Variants in RESF1 observed in about 807,000 individuals in gnomAD.
The protein encoded by RESF1 is retroelement silencing factor 1, also known as gonad expressed transcript.
RESF1 carries 65 observed loss-of-function variants against 134.7 expected under a neutral mutation model. The observed-to-expected ratio is 0.48, with a 90% CI of 0.40 to 0.59. The LOEUF is 0.59. Among genes scored for constraint, RESF1 ranks in the 20% least tolerant of loss-of-function variants. RESF1 has a pLI of 0.00. For synonymous variants in RESF1, 762 were observed against 702.2 expected (o/e 1.09, Z -1.35); for missense variants, 2,274 against 2,002.7 (o/e 1.14, Z -2.59).
chr12:31,964,486 A>G (rs1939354355), intron 2 of RESF1, among the ~76,000 whole-genome samples: 1 of 152,204 alleles, frequency 6.6e-6, no homozygotes, highest in Non-Finnish European at 1.5e-5. Flanking sequence ...ATGGCTGCAT[A>G]GTATTCCCTA....
intron 2 of RESF1, among the ~76,000 whole-genome samples, chr12:31,961,397 A>G (rs938343185): frequency 1.3e-5 from 2 of 152,226 alleles, no homozygotes; most frequent in African/African-American, 4.8e-5. Flanking sequence ...CCAACCCTGG[A>G]AAATAAACCT....
intron 3 of RESF1, among the ~76,000 whole-genome samples, chr12:31,972,564 C>T (rs1939533679): frequency 6.8e-6 from 1 of 147,546 alleles, no homozygotes; most frequent in South Asian, 2.1e-4. Flanking sequence ...CAAGATGGTG[C>T]CACTGCACTC....
Position 31,981,757 on chromosome 12 carries a change from C to A in RESF1, c.802C>A (p.Gln268Lys). ...GCAGACCTCAGCTGTACCATCACAGCAGTATGCCACGCAAACTGACAAAAG... is the reference window on the plus strand; with the variant it reads ...GCAGACCTCAGCTGTACCATCACAGAAGTATGCCACGCAAACTGACAAAAG... The part of the protein sequence containing the change: ...SRQTSAVPSQ[Q>K]YATQTDKRPP... The change falls in exon 4 of 6, where the codon CAG becomes AAG. Residue 268 changes from glutamine to lysine, a missense_variant. By Grantham distance (53) the Gln-to-Lys change is moderately conservative (BLOSUM62 1). Coordinates refer to ENST00000312561, the MANE Select transcript of RESF1 (RefSeq NM_018169.4). 1 of 1,613,794 alleles carries A rather than the reference C, an allele frequency of 6.2e-7. No individual in the cohort carries two copies. Among genetic ancestry groups the A allele is most frequent in the Non-Finnish European group, 8.5e-7 (1 of 1,180,002 alleles).
At chr12:31,970,705 C>G (rs1421312774) in intron 3 of RESF1, among the ~76,000 whole-genome samples, 2 of 152,194 alleles carry the variant, frequency 1.3e-5, no homozygotes, top group African/African-American at 2.4e-5. Flanking sequence ...ACCTAACACT[C>G]AAAAGGGTGC....
At chr12:31,967,527 A>G (rs560254296) in intron 2 of RESF1, among the ~76,000 whole-genome samples, 4 of 152,314 alleles carry the variant, frequency 2.6e-5, no homozygotes, top group Non-Finnish European at 5.9e-5. Flanking sequence ...GGAAAACACA[A>G]CATCCAAAAA....
chr12:31,979,252 T>C (rs1250953902), intron 3 of RESF1, among the ~76,000 whole-genome samples: 1 of 152,144 alleles, frequency 6.6e-6, no homozygotes, highest in Non-Finnish European at 1.5e-5. Flanking sequence ...TGTGTGGGAA[T>C]TTTTTCCCAA....
At chr12:31,963,371 C>T (rs1173740742) in intron 2 of RESF1, among the ~76,000 whole-genome samples, 1 of 151,568 alleles carries the variant, frequency 6.6e-6, no homozygotes, top group Non-Finnish European at 1.5e-5. Flanking sequence ...TCATGGAGCA[C>T]AACCTTTGGG....
chr12:31,963,911 A>C (rs1225185948), intron 2 of RESF1, among the ~76,000 whole-genome samples: 1 of 152,144 alleles, frequency 6.6e-6, no homozygotes, highest in Non-Finnish European at 1.5e-5. Flanking sequence ...TGGATATGCC[A>C]CTTTTGCTTA....
At chr12:31,989,915 T>C (rs949194126) in intron 5 of RESF1, among the ~76,000 whole-genome samples, 6 of 152,034 alleles carry the variant, frequency 3.9e-5, no homozygotes, top group African/African-American at 4.8e-5. Flanking sequence ...TGAAGAAATA[T>C]ACTCTTAATC....
Position 31,985,493 on chromosome 12 carries a change from C to G in RESF1, c.4538C>G (p.Thr1513Arg). ...QTSKESLNGLTSHGKNLKIHH... is the reference protein window; with the variant it reads ...QTSKESLNGLRSHGKNLKIHH... Reference sequence around the variant, plus strand: ...TCTAAAGAATCATTAAATGGCTTGACAAGCCATGGTAAAAACCTCAAAATC... The same window carrying G: ...TCTAAAGAATCATTAAATGGCTTGAGAAGCCATGGTAAAAACCTCAAAATC... Residue 1513 changes from threonine (T) to arginine (R), a missense_variant, in exon 4 of 6, where the codon ACA (threonine) becomes AGA (arginine). Coordinates refer to ENST00000312561, the MANE Select transcript of RESF1 (RefSeq NM_018169.4). 1.2e-6 allele frequency: 2 copies of G among 1,603,818 alleles called. No homozygotes were observed. The highest frequency in any genetic ancestry group is 1.7e-6 in the Non-Finnish European group (2 of 1,177,234).
rs1939940772 is a variant in RESF1 at position 31,985,317 on chromosome 12, G to A, written c.4362G>A (p.Lys1454=). 6.2e-7 allele frequency: 1 copy of A among 1,612,256 alleles called. No individual in the cohort carries two copies. The highest frequency in any genetic ancestry group is 8.5e-7 in the Non-Finnish European group (1 of 1,179,646). The change falls in exon 4 of 6, where the codon AAG becomes AAA. Residue 1454 remains lysine (K), a synonymous_variant. Transcript: ENST00000312561. ...CTAAGGAGTATTTACAAAGGCAGAAGCATAAAGAAGCTCTGAGTAATAAAG... is the reference window on the plus strand; with the variant it reads ...CTAAGGAGTATTTACAAAGGCAGAAACATAAAGAAGCTCTGAGTAATAAAG... ...LTPKEYLQRQ[K]HKEALSNKAS...
chr12:31,964,726 CT>C (rs1939359924), intron 2 of RESF1, among the ~76,000 whole-genome samples: 1 of 152,150 alleles, frequency 6.6e-6, no homozygotes, highest in Non-Finnish European at 1.5e-5. Flanking sequence ...TGTTAAGCAT[CT>C]TTTTATGTGC....
chr12:31,978,126 C>G (rs1939678886), intron 3 of RESF1, among the ~76,000 whole-genome samples: 1 of 152,078 alleles, frequency 6.6e-6, no homozygotes, highest in South Asian at 2.1e-4. Flanking sequence ...TTATTGGCAT[C>G]TTTAATGCTG....
Position 31,986,538 on chromosome 12 carries a change from A to G in RESF1, c.5002+581A>G, listed in dbSNP as rs373742597. Among the ~76,000 whole-genome samples, 11 of 152,344 alleles carry G rather than the reference A, an allele frequency of 7.2e-5. No individual in the cohort carries two copies. The East Asian group carries it at 1.5e-3, about 21-fold the overall frequency. On this transcript the variant is annotated intron_variant, in intron 4 of 5. Transcript: ENST00000312561. ...AAGATAGAAGAACCTTGAAAGCAGT[A>G]TTGTCCAGTGTTATAATTTAAAATC...
At chr12:31,962,912 A>G (rs1939311141) in intron 2 of RESF1, among the ~76,000 whole-genome samples, 1 of 152,120 alleles carries the variant, frequency 6.6e-6, no homozygotes, top group South Asian at 2.1e-4. Flanking sequence ...AGCCTGGCCA[A>G]CATGGTGAAG....
rs1446957537 is a variant in RESF1, at chr12:31,983,702, T to C, written c.2747T>C (p.Leu916Pro). Reference sequence around the variant, plus strand: ...CAAATAGCAAAGATATTCAGCTCTCTTCCCTTGAAAATGGTTGAGCCACAG... The same window carrying C: ...CAAATAGCAAAGATATTCAGCTCTCCTCCCTTGAAAATGGTTGAGCCACAG... The part of the protein sequence containing the change: ...NSQIAKIFSS[L>P]PLKMVEPQKP... The change falls in exon 4 of 6, where the codon CTT becomes CCT. Residue 916 changes from leucine to proline, a missense_variant. Transcript: ENST00000312561. 6.2e-7 allele frequency: 1 copy of C among 1,613,918 alleles called. No homozygotes were observed. Among genetic ancestry groups the C allele is most frequent in the East Asian group, 2.2e-5 (1 of 44,884 alleles).
At position 31,984,464 on chromosome 12, in the gene RESF1, T is replaced by C. The variant is rs1237436491; in HGVS notation, c.3509T>C (p.Ile1170Thr). The change falls in exon 4 of 6, where the codon ATC becomes ACC. Residue 1170 changes from isoleucine (I) to threonine (T), a missense_variant. By Grantham distance (89) the Ile-to-Thr change is moderately conservative. Coordinates refer to ENST00000312561, the MANE Select transcript of RESF1 (RefSeq NM_018169.4). Reference sequence around the variant, plus strand: ...ATACTGGACTCTGAGAAAGATGATATCCACTGCTGTGCATTGGGCTGGCTC... The same window carrying C: ...ATACTGGACTCTGAGAAAGATGATACCCACTGCTGTGCATTGGGCTGGCTC... The part of the protein sequence containing the change: ...SVILDSEKDD[I>T]HCCALGWLSM... The C allele has an allele frequency of 6.2e-7, 1 of 1,613,948 alleles. No individual in the cohort carries two copies. Among genetic ancestry groups the C allele is most frequent in the East Asian group, 2.2e-5 (1 of 44,868 alleles).
chr12:31,986,199 T>G (rs1260840686), intron 4 of RESF1, among the ~76,000 whole-genome samples: 1 of 152,184 alleles, frequency 6.6e-6, no homozygotes, highest in Non-Finnish European at 1.5e-5. Context: ...TATGTAAAAC[T>G]TGCCAGATAG....
intron 5 of RESF1, among the ~76,000 whole-genome samples, chr12:31,991,637 T>C (rs1940094669): frequency 6.6e-6 from 1 of 152,184 alleles, no homozygotes; most frequent in Admixed American, 6.5e-5. Context: ...GTTTGTTTGT[T>C]TTTTGAGACA....
Sources: allele counts gnomAD v4.1 joint callset (sites outside exome capture counted in the v4.1 genomes callset), GRCh38; gene constraint gnomAD v4.1.1; transcripts MANE v1.5; gene names NCBI Gene and HGNC (gene_info 2026-07-23, HGNC 2026-07-21).